Variants in ZNF138 observed in about 807,000 individuals in gnomAD.
ZNF138 encodes zinc finger protein 138.
ZNF138 carries 33 observed loss-of-function variants against 33.0 expected under a neutral mutation model. That is an observed-to-expected ratio of 1.00 (90% CI 0.76 to 1.34). The LOEUF (loss-of-function observed/expected upper bound fraction) is 1.34. Among genes scored for constraint, ZNF138 ranks in the 40% most tolerant of loss-of-function variants. ZNF138 has a pLI of 0.00. For missense variants in ZNF138, 360 were observed against 370.8 expected (o/e 0.97, Z 0.24); for synonymous variants, 139 against 120.4 (o/e 1.15, Z -1.01).
Position 64,832,824 on chromosome 7 carries a change from G to T in ZNF138, c.*622G>T. 1 of 450,664 alleles carries T rather than the reference G, an allele frequency of 2.2e-6. No homozygotes were observed. Among genetic ancestry groups the T allele is most frequent in the East Asian group, 5.9e-5 (1 of 16,980 alleles). The allele number at this position is 450,664 out of a possible 1,614,324, so 27.9% of individuals were successfully genotyped here. On this transcript the variant is annotated 3_prime_UTR_variant, in exon 4 of 4. Transcript: ENST00000307355. ...TAAACACAAGAAGATTCATACTAGA[G>T]AGAAACCCTACAAATGTGAAGAATG...
At chr7:64,807,464 G>C (rs770597225) in intron 1 of ZNF138, among the ~76,000 whole-genome samples, 14 of 152,170 alleles carry the variant, frequency 9.2e-5, no homozygotes, top group Non-Finnish European at 1.6e-4. Context: ...TATTCATGTT[G>C]CCTCAGCTCT....
At chr7:64,839,914 C>T in the ZNF138 span, among the ~76,000 whole-genome samples, 28 of 152,030 alleles carry the variant, frequency 1.8e-4, no homozygotes, top group Admixed American at 1.2e-3. Flanking sequence ...TTCACTGGTC[C>T]GCAGCGGGAG....
chr7:64,799,988 CTGATGTACAG>C (rs1386931374), intron 1 of ZNF138, among the ~76,000 whole-genome samples: 7 of 152,160 alleles, frequency 4.6e-5, no homozygotes, highest in African/African-American at 1.7e-4. Context: ...TTGGATGCTG[CTGATGTACAG>C]GGATCCTACT....
intron 1 of ZNF138, among the ~76,000 whole-genome samples, chr7:64,807,230 T>C (rs1787676307): frequency 6.6e-6 from 1 of 152,196 alleles, no homozygotes; most frequent in Non-Finnish European, 1.5e-5. Context: ...AGACCCCTGA[T>C]TTCCCACTTC....
rs1051351799 is a variant in ZNF138 at position 64,832,312 on chromosome 7, A to G, written c.*110A>G. On this transcript the variant is annotated 3_prime_UTR_variant, in exon 4 of 4. Coordinates refer to ENST00000307355, the MANE Select transcript of ZNF138 (RefSeq NM_001271639.2). The stretch of plus-strand genomic sequence containing the variant: ...ACCCTTATTACACATAAGATAATTC[A>G]TAGCGGAGAGAAACCCCACAAATGT... The G allele has an allele frequency of 4.4e-6, 7 of 1,577,994 alleles. No individual in the cohort carries two copies. Among genetic ancestry groups the G allele is most frequent in the Non-Finnish European group, 5.2e-6 (6 of 1,164,950 alleles).
rs115129978 is a variant in ZNF138, at chr7:64,824,832, A to G, written c.209-6619A>G. On this transcript the variant is annotated intron_variant, in intron 3 of 3. Transcript: ENST00000307355. ...GAATAAAGATATTTTCCATTCTGAT[A>G]CTTTCAGCCTATTTGACTCAACGCT... 1.4e-3 allele frequency among the ~76,000 whole-genome samples: 213 copies of G among 150,930 alleles called. 2 individuals are homozygous for G. The highest frequency in any genetic ancestry group is 4.9e-3 in the African/African-American group (203 of 41,150).
intron 1 of ZNF138, among the ~76,000 whole-genome samples, chr7:64,802,083 A>T (rs1787179546): frequency 6.6e-6 from 1 of 152,232 alleles, no homozygotes. Flanking sequence ...TTAGGGAGAC[A>T]TGAGACATCA....
chr7:64,797,105 A>T (rs1218698197), intron 1 of ZNF138, among the ~76,000 whole-genome samples: 2 of 152,142 alleles, frequency 1.3e-5, no homozygotes, highest in Non-Finnish European at 2.9e-5. Flanking sequence ...GTGGTAGATA[A>T]TTGGTGAGTT....
At chr7:64,823,593 C>A (rs1789342615) in intron 3 of ZNF138, among the ~76,000 whole-genome samples, 2 of 152,184 alleles carry the variant, frequency 1.3e-5, no homozygotes, top group African/African-American at 4.8e-5. Context: ...CCTTGGTCCC[C>A]CAAAGTGTTG....
At chr7:64,794,704 C>T in intron 1 of ZNF138, 133 bp downstream of exon 1, 1 of 1,358,020 alleles carries the variant, frequency 7.4e-7, no homozygotes, top group African/African-American at 1.4e-5. Context: ...CTTGGCACAG[C>T]TCGGCCCTCA....
chr7:64,831,982 G>A lies in ZNF138; in HGVS notation c.740G>A (p.Gly247Glu). Residue 247 changes from glycine (G) to glutamate (E), a missense_variant, in exon 4 of 4, where the codon GGA becomes GAA. Transcript: ENST00000307355. ...ACTAAACATAAGATAATTCGTACTG[G>A]AGAAAAACCCTATAAATGTGCACAC... Reference protein sequence around the residue: ...ILTKHKIIRTGEKPYKCAHCG... With the variant: ...ILTKHKIIRTEEKPYKCAHCG... The A allele has an allele frequency of 6.2e-7, 1 of 1,613,400 alleles. No homozygotes were observed. Among genetic ancestry groups the A allele is most frequent in the Non-Finnish European group, 8.5e-7 (1 of 1,179,748 alleles).
the ZNF138 span, chr7:64,852,494 C>T: frequency 5.7e-6 from 9 of 1,579,304 alleles, no homozygotes; most frequent in South Asian, 1.0e-4. Context: ...TGTGTGGTTG[C>T]CCTTCTCTAC....
chr7:64,840,921 C>G, the ZNF138 span, among the ~76,000 whole-genome samples: 2 of 151,914 alleles, frequency 1.3e-5, no homozygotes, highest in Admixed American at 1.3e-4. Context: ...AATATTGTAA[C>G]AAAACAAATA....
chr7:64,820,249 C>G (rs12155450), intron 3 of ZNF138, among the ~76,000 whole-genome samples: 149,026 of 151,300 alleles, frequency 0.98, 73,534 homozygotes, highest in East Asian at 1. Flanking sequence ...TTTATGGGGG[C>G]GGAGTGTGAC....
chr7:64,852,165 T>C, the ZNF138 span, among the ~76,000 whole-genome samples: 4 of 152,208 alleles, frequency 2.6e-5, no homozygotes, highest in African/African-American at 9.6e-5. Context: ...GATAACAATA[T>C]AATTCTCAAC....
intron 1 of ZNF138, among the ~76,000 whole-genome samples, chr7:64,794,971 CA>C (rs202025322): frequency 2.6e-5 from 4 of 151,966 alleles, no homozygotes; most frequent in African/African-American, 9.7e-5. Flanking sequence ...AAAGTCACCG[CA>C]AAAAAATTAA....
intron 1 of ZNF138, among the ~76,000 whole-genome samples, chr7:64,799,399 G>A (rs1319286577): frequency 6.6e-6 from 1 of 152,080 alleles, no homozygotes; most frequent in African/African-American, 2.4e-5. Context: ...CCAACCTCAG[G>A]TGATCTGCCC....
the ZNF138 span, among the ~76,000 whole-genome samples, chr7:64,854,282 TC>T: frequency 6.6e-6 from 1 of 152,166 alleles, no homozygotes; most frequent in African/African-American, 2.4e-5. Flanking sequence ...ACTTCATTGC[TC>T]TGGCTGAAGT....
At chr7:64,847,348 T>C in the ZNF138 span, among the ~76,000 whole-genome samples, 5 of 135,322 alleles carry the variant, frequency 3.7e-5, no homozygotes, top group South Asian at 2.3e-4. Flanking sequence ...TTTTTTTTTT[T>C]CTGCAGTTCT....
Sources: allele counts gnomAD v4.1 joint callset (sites outside exome capture counted in the v4.1 genomes callset), GRCh38; gene constraint gnomAD v4.1.1; transcripts MANE v1.5; gene names NCBI Gene and HGNC (gene_info 2026-07-23, HGNC 2026-07-21).